The following RNFT2 variants were observed in gnomAD, a reference collection of about 807,000 sequenced individuals.
RNFT2 encodes the protein E3 ubiquitin-protein ligase RNFT2.
Under a neutral mutation model 53.0 loss-of-function variants are expected in RNFT2, and 36 were observed. The observed-to-expected ratio is 0.68, with a 90% CI of 0.52 to 0.90. The LOEUF is 0.90. RNFT2 is among the 40% of genes least tolerant of loss of function. The probability of loss-of-function intolerance (pLI) is 0.00; values close to 1 mark genes in which losing one functional copy is unlikely to be tolerated. For synonymous variants in RNFT2, 260 were observed against 253.2 expected, an observed-to-expected ratio of 1.03 and a Z score of -0.26; for missense variants, 514 against 585.6, an observed-to-expected ratio of 0.88 and a Z score of 1.26.
At chr12:116,818,893 A>C (rs10774890) in intron 7 of RNFT2, among the ~76,000 whole-genome samples, 125,789 of 152,216 alleles carry the variant, frequency 0.83, 53,005 homozygotes, top group Non-Finnish European at 0.91. Context: ...ACCACTGTTT[A>C]CACCAGAGCA....
intron 3 of RNFT2, among the ~76,000 whole-genome samples, chr12:116,743,632 A>G (rs2137063310): frequency 6.6e-6 from 1 of 152,262 alleles, no homozygotes. Flanking sequence ...AGATTGGGAC[A>G]GCCTCCAGCC....
chr12:116,773,443 A>G (rs1873289322), intron 6 of RNFT2, among the ~76,000 whole-genome samples: 1 of 152,236 alleles, frequency 6.6e-6, no homozygotes, highest in African/African-American at 2.4e-5. Flanking sequence ...GAGAAAGGGC[A>G]GGGACCAGGG....
chr12:116,748,464 AC>A (rs1872015860), intron 3 of RNFT2, among the ~76,000 whole-genome samples: 1 of 152,160 alleles, frequency 6.6e-6, no homozygotes, highest in African/African-American at 2.4e-5. Flanking sequence ...CGTATTGAGA[AC>A]CTATTATTGC....
chr12:116,750,201 G>A lies in RNFT2; in HGVS notation c.444G>A (p.Thr148=), dbSNP rs756447648. The A allele has an allele frequency of 2.5e-6, 4 of 1,602,610 alleles. No individual in the cohort carries two copies. Among genetic ancestry groups the A allele is most frequent in the African/African-American group, 1.3e-5 (1 of 74,910 alleles). ...AGGGAGGCGACGAGCAGCCTGGGAC[G>A]CCCGCCCCCGCCCTGTCCGAGCTGA... is the stretch of plus-strand genomic sequence containing the variant. The part of the protein sequence containing the change: ...SEEGGDEQPG[T]PAPALSELKA... Residue 148 remains threonine, a synonymous_variant, in exon 4 of 11, where the codon ACG becomes ACA. Transcript: ENST00000257575.
chr12:116,785,253 G>GTGTGTGTC (rs1873881460), intron 7 of RNFT2, among the ~76,000 whole-genome samples: 1 of 137,018 alleles, frequency 7.3e-6, no homozygotes, highest in Admixed American at 7.0e-5. Flanking sequence ...CTACTTCTGT[G>GTGTGTGTC]TGTGTGTGTG....
chr12:116,753,895 G>C (rs752749373), intron 4 of RNFT2, 89 bp from the exon 5 acceptor site: 3 of 937,870 alleles, frequency 3.2e-6, no homozygotes, highest in Non-Finnish European at 3.5e-6. Flanking sequence ...AGGGGACCAG[G>C]GATGTGCCTT....
intron 10 of RNFT2, 101 bp from the exon 11 acceptor site, chr12:116,849,213 C>A (rs1679914047): frequency 2.1e-6 from 2 of 940,406 alleles, no homozygotes; most frequent in Non-Finnish European, 3.1e-6. Context: ...GCCCCGAAGG[C>A]AGGGGTTGTC....
chr12:116,755,396 G>A (rs1872457938), intron 5 of RNFT2: 2 of 893,082 alleles, frequency 2.2e-6, no homozygotes, highest in Middle Eastern at 2.6e-4. Context: ...CACCTATTAT[G>A]CCATGAATTC....
At chr12:116,773,806 GT>G (rs1273929782) in intron 6 of RNFT2, among the ~76,000 whole-genome samples, 1 of 152,158 alleles carries the variant, frequency 6.6e-6, no homozygotes, top group East Asian at 1.9e-4. Context: ...AAGTCCAGGG[GT>G]TTACCATGTA....
At chr12:116,800,812 T>TTAAAATAAATAAAATAAAA (rs1874736569) in intron 7 of RNFT2, among the ~76,000 whole-genome samples, 1 of 114,790 alleles carries the variant, frequency 8.7e-6, no homozygotes, top group Non-Finnish European at 1.8e-5. Flanking sequence ...AGACTCCATC[T>TTAAAATAAATAAAATAAAA]TAAAATAAAA....
chr12:116,836,976 A>G (rs1005354317), intron 10 of RNFT2, among the ~76,000 whole-genome samples: 1 of 152,184 alleles, frequency 6.6e-6, no homozygotes, highest in African/African-American at 2.4e-5. Context: ...TCATAGGGCT[A>G]TTATTATGAT....
At chr12:116,778,615 T>C (rs1243364631) in intron 6 of RNFT2, among the ~76,000 whole-genome samples, 1 of 152,246 alleles carries the variant, frequency 6.6e-6, no homozygotes, top group Non-Finnish European at 1.5e-5. Context: ...TTTGGAAGGC[T>C]GAGGCGGGTG....
Position 116,779,294 on chromosome 12 carries a change from C to G in RNFT2, c.828C>G (p.Ala276=), listed in dbSNP as rs149537985. ...TTGTTCTGAAGTACATCACCATCGC[C>G]CTCAAGTGCCTCATCGTGGCCCTGC... ...ADFVLKYITI[A]LKCLIVALPK... Residue 276 remains alanine (A), a synonymous_variant, in exon 7 of 11, where the codon GCC becomes GCG. Transcript: ENST00000257575. 5.6e-6 allele frequency: 9 copies of G among 1,614,024 alleles called. No individual in the cohort carries two copies. The South Asian group carries it at 9.9e-5, about 18-fold the overall frequency.
intron 7 of RNFT2, among the ~76,000 whole-genome samples, chr12:116,779,915 C>T (rs12296993): frequency 0.064 from 9,745 of 152,216 alleles, 845 homozygotes; most frequent in African/African-American, 0.19. Flanking sequence ...GTTCAGAGGA[C>T]TGAGCAGGGC....
chr12:116,773,855 T>A (rs1873306482), intron 6 of RNFT2, among the ~76,000 whole-genome samples: 1 of 152,162 alleles, frequency 6.6e-6, no homozygotes, highest in African/African-American at 2.4e-5. Context: ...AACATATTTT[T>A]AAAATGATCA....
chr12:116,767,524 C>T (rs915031035), intron 6 of RNFT2, among the ~76,000 whole-genome samples: 2 of 149,722 alleles, frequency 1.3e-5, no homozygotes, highest in Non-Finnish European at 3.0e-5. Flanking sequence ...CACCTGGCCC[C>T]GAAAGATTGT....
At chr12:116,778,961 C>T (rs942500098) in intron 6 of RNFT2, among the ~76,000 whole-genome samples, 7 of 152,260 alleles carry the variant, frequency 4.6e-5, no homozygotes, top group Non-Finnish European at 7.3e-5. Context: ...TAATGAAACT[C>T]CAGGCCAATA....
At chr12:116,768,816 C>T (rs1339367674) in intron 6 of RNFT2, among the ~76,000 whole-genome samples, 3 of 149,750 alleles carry the variant, frequency 2.0e-5, no homozygotes, top group Admixed American at 6.6e-5. Context: ...CTGCAACCTC[C>T]GCCTCCCAGG....
intron 7 of RNFT2, among the ~76,000 whole-genome samples, chr12:116,808,044 A>G (rs1592971035): frequency 6.6e-6 from 1 of 151,332 alleles, no homozygotes. Context: ...TCTCACTACA[A>G]CCTCCGCCTC....
Sources: allele counts gnomAD v4.1 joint callset (sites outside exome capture counted in the v4.1 genomes callset), GRCh38; gene constraint gnomAD v4.1.1; transcripts MANE v1.5; gene names NCBI Gene and HGNC (gene_info 2026-07-23, HGNC 2026-07-21).